The following DLC1 variants were observed in gnomAD, a reference collection of about 807,000 sequenced individuals.
The protein encoded by DLC1 is rho GTPase-activating protein 7.
A neutral mutation model predicts 140.3 loss-of-function variants in DLC1; 54 were observed. The ratio of observed to expected loss-of-function variants is 0.38; its 90% CI spans 0.31 to 0.48. The LOEUF (loss-of-function observed/expected upper bound fraction) is 0.48, where lower values mean the gene tolerates loss of function less well. DLC1 is among the 20% of genes least tolerant of loss of function. The pLI, the probability that DLC1 is intolerant of heterozygous loss-of-function variation, is 0.96. For missense variants in DLC1, 2,536 were observed against 1,907.0 expected, an observed-to-expected ratio of 1.33 and a Z score of -6.14; for synonymous variants, 986 against 728.1, an observed-to-expected ratio of 1.35 and a Z score of -5.70.
intron 1 of DLC1, chr8:13,558,771 T>C (rs1032462893): frequency 2.4e-4 from 36 of 152,208 alleles, no homozygotes; most frequent in African/African-American, 8.4e-4. Flanking sequence ...ATTCTTTTCA[T>C]CCTAAATTAA....
chr8:13,476,425 GGAGAT>G (rs1800436864), intron 2 of DLC1, among the ~76,000 whole-genome samples: 1 of 151,280 alleles, frequency 6.6e-6, no homozygotes, highest in African/African-American at 2.4e-5. Context: ...AGTTTGAAGA[GGAGAT>G]GAGACATATT....
intron 1 of DLC1, among the ~76,000 whole-genome samples, chr8:13,542,687 A>T (rs1009964331): frequency 6.6e-6 from 1 of 152,118 alleles, no homozygotes; most frequent in Non-Finnish European, 1.5e-5. Flanking sequence ...TATAGTTTTC[A>T]GTTTGTAGGC....
chr8:13,367,444 G>A (rs946509406), intron 4 of DLC1, among the ~76,000 whole-genome samples: 2 of 152,086 alleles, frequency 1.3e-5, no homozygotes, highest in East Asian at 3.9e-4. Context: ...GTCATTAGGG[G>A]GCCCAATAGA....
intron 5 of DLC1, among the ~76,000 whole-genome samples, chr8:13,243,747 C>G (rs113713811): frequency 1.1e-3 from 174 of 152,284 alleles, no homozygotes; most frequent in African/African-American, 3.8e-3. Context: ...TCATCAGCTG[C>G]GAACAACATC....
At chr8:13,253,940 C>G (rs1247200512) in intron 5 of DLC1, among the ~76,000 whole-genome samples, 5 of 152,140 alleles carry the variant, frequency 3.3e-5, no homozygotes, top group Non-Finnish European at 5.9e-5. Flanking sequence ...AGGACGCAGC[C>G]CAGATGTTAA....
At chr8:13,393,773 C>T in intron 3 of DLC1, 80 bp from the exon 4 acceptor site, 1 of 1,516,584 alleles carries the variant, frequency 6.6e-7, no homozygotes. Flanking sequence ...AGAACTTTGT[C>T]ACTTCTTCTT....
chr8:13,378,964 G>A (rs1230144999), intron 4 of DLC1, among the ~76,000 whole-genome samples: 1 of 152,154 alleles, frequency 6.6e-6, no homozygotes, highest in African/African-American at 2.4e-5. Flanking sequence ...AATGTTAACA[G>A]TAATGAAAGA....
At chr8:13,553,574 A>G (rs2117362992) in intron 1 of DLC1, among the ~76,000 whole-genome samples, 1 of 151,630 alleles carries the variant, frequency 6.6e-6, no homozygotes, top group East Asian at 2.0e-4. Flanking sequence ...CTGGTCTCAA[A>G]CTCCTGGGCT....
intron 4 of DLC1, among the ~76,000 whole-genome samples, chr8:13,373,987 T>G (rs556028038): frequency 1.3e-5 from 2 of 152,324 alleles, no homozygotes; most frequent in East Asian, 3.9e-4. Flanking sequence ...TCATCTAAGT[T>G]TGATTGTTTT....
At chr8:13,146,783 C>T (rs771978244) in intron 5 of DLC1, among the ~76,000 whole-genome samples, 9 of 152,070 alleles carry the variant, frequency 5.9e-5, no homozygotes, top group Non-Finnish European at 1.2e-4. Flanking sequence ...CACAGAAAGT[C>T]ACAAGGAAAA....
intron 1 of DLC1, among the ~76,000 whole-genome samples, chr8:13,526,779 G>C (rs975464139): frequency 6.6e-6 from 1 of 152,014 alleles, no homozygotes; most frequent in Non-Finnish European, 1.5e-5. Flanking sequence ...CCAGGGGGTT[G>C]GGGGACAGGG....
chr8:13,120,356 A>AAAAAAAAAAAAAATATATAT, intron 5 of DLC1, among the ~76,000 whole-genome samples: 8 of 61,120 alleles, frequency 1.3e-4, no homozygotes, highest in African/African-American at 3.3e-4. Context: ...AAAAAAAAAA[A>AAAAAAAAAAAAAATATATAT]ATATATATAT....
intron 1 of DLC1, among the ~76,000 whole-genome samples, chr8:13,513,520 G>A (rs1802468476): frequency 6.6e-6 from 1 of 151,900 alleles, no homozygotes; most frequent in Admixed American, 6.6e-5. Context: ...TGTCAAAATA[G>A]CTCTCCATCT....
chr8:13,503,118 A>G (rs1464555957), intron 1 of DLC1, among the ~76,000 whole-genome samples: 2 of 152,238 alleles, frequency 1.3e-5, no homozygotes, highest in Admixed American at 6.5e-5. Flanking sequence ...AAAGTTGAAC[A>G]AAATTACTGG....
At chr8:13,207,947 T>C (rs1827754465) in intron 5 of DLC1, among the ~76,000 whole-genome samples, 1 of 152,206 alleles carries the variant, frequency 6.6e-6, no homozygotes, top group South Asian at 2.1e-4. Flanking sequence ...GAGGCCACTG[T>C]AAGTTATGAC....
At chr8:13,452,023 T>A (rs1054333104) in intron 2 of DLC1, among the ~76,000 whole-genome samples, 17 of 152,130 alleles carry the variant, frequency 1.1e-4, no homozygotes, top group African/African-American at 4.1e-4. Flanking sequence ...TTTTTTTAAA[T>A]CAGACTTTAT....
At chr8:13,224,573 G>C (rs1828703170) in intron 5 of DLC1, among the ~76,000 whole-genome samples, 1 of 152,200 alleles carries the variant, frequency 6.6e-6, no homozygotes, top group South Asian at 2.1e-4. Flanking sequence ...GTGGGGTAAG[G>C]AGCCCTAAGG....
chr8:13,474,272 C>T (rs1800340463), intron 2 of DLC1, among the ~76,000 whole-genome samples: 1 of 152,190 alleles, frequency 6.6e-6, no homozygotes, highest in South Asian at 2.1e-4. Flanking sequence ...GCAGCTTCCA[C>T]ATGGTGTTGA....
chr8:13,583,008 A>G (rs56767317), intron 1 of DLC1, among the ~76,000 whole-genome samples: 3,891 of 150,784 alleles, frequency 0.026, 178 homozygotes, highest in African/African-American at 0.091. Context: ...CTAAGTCTTC[A>G]GTGAGTTGTA....
Sources: gnomAD v4.1 joint callset for allele counts (sites outside exome capture counted in the v4.1 genomes callset) on GRCh38, gnomAD v4.1.1 for gene constraint, MANE v1.5 for transcripts, NCBI Gene and HGNC (gene_info 2026-07-23, HGNC 2026-07-21) for gene names.